The following POLA1 variants were observed in gnomAD, a reference collection of about 807,000 sequenced individuals.
The protein encoded by POLA1 is DNA polymerase alpha catalytic subunit.
In POLA1, 15 loss-of-function variants were observed where a neutral mutation model predicts 124.0. That is an observed-to-expected ratio of 0.12 (90% CI 0.08 to 0.19). The LOEUF is 0.19. Among genes scored for constraint, POLA1 ranks in the 10% least tolerant of loss-of-function variants. The probability of loss-of-function intolerance (pLI) is 1.00; values close to 1 mark genes in which losing one functional copy is unlikely to be tolerated. For synonymous variants in POLA1, 408 were observed against 389.4 expected, an observed-to-expected ratio of 1.05 and a Z score of -0.56; for missense variants, 886 against 1,103.4, an observed-to-expected ratio of 0.80 and a Z score of 2.79.
At chrX:24,785,322 A>G (rs1480405849) in intron 26 of POLA1, among the ~76,000 whole-genome samples, 1 of 111,782 alleles carries the variant, frequency 8.9e-6, no homozygotes, top group Non-Finnish European at 1.9e-5. Context: ...AACCCCTTTG[A>G]TCCTTGCCTG....
chrX:24,749,075 A>G, intron 26 of POLA1, 83 bp downstream of exon 26: 1 of 755,141 alleles, frequency 1.3e-6, no homozygotes, highest in Non-Finnish European at 2.0e-6. Flanking sequence ...AGTCAAGTTT[A>G]TTACCTAGTT....
intron 36 of POLA1, among the ~76,000 whole-genome samples, chrX:24,994,031 A>G (rs2048568819): frequency 8.9e-6 from 1 of 111,802 alleles, no homozygotes. Flanking sequence ...CCTGCTCCGT[A>G]TTACCGCAGC....
chrX:24,791,905 A>G (rs2045505620), intron 26 of POLA1, among the ~76,000 whole-genome samples: 1 of 112,018 alleles, frequency 8.9e-6, no homozygotes, highest in Non-Finnish European at 1.9e-5. Context: ...GGTATTCTCT[A>G]TAGTGGGAGT....
At chrX:24,966,069 G>C (rs563787006) in intron 36 of POLA1, among the ~76,000 whole-genome samples, 1 of 111,970 alleles carries the variant, frequency 8.9e-6, no homozygotes, top group East Asian at 2.8e-4. Flanking sequence ...TAATGATTTA[G>C]AAAATATCCT....
intron 26 of POLA1, among the ~76,000 whole-genome samples, chrX:24,772,972 C>T (rs916816784): frequency 6.3e-5 from 7 of 111,514 alleles, no homozygotes; most frequent in Non-Finnish European, 1.1e-4. Context: ...AATGGGGGTA[C>T]GTACATGATA....
chrX:24,881,357 A>G (rs886788166), intron 34 of POLA1, among the ~76,000 whole-genome samples: 3 of 111,662 alleles, frequency 2.7e-5, no homozygotes, highest in African/African-American at 9.8e-5. Context: ...TAATAACAAT[A>G]TTTTACATTT....
chrX:24,707,900 T>C (rs1426730089), intron 4 of POLA1, among the ~76,000 whole-genome samples: 1 of 111,359 alleles, frequency 9.0e-6, no homozygotes, highest in Non-Finnish European at 1.9e-5. Flanking sequence ...AGGCTGAGAA[T>C]CTCTTGATCT....
chrX:24,812,066 G>T (rs186699975), intron 28 of POLA1, among the ~76,000 whole-genome samples: 12 of 112,312 alleles, frequency 1.1e-4, no homozygotes, highest in Admixed American at 2.8e-4. Context: ...AGCAAGCCTG[G>T]CACATTGTGC....
At chrX:24,749,529 TAAG>T (rs896414565) in intron 26 of POLA1, among the ~76,000 whole-genome samples, 1 of 111,282 alleles carries the variant, frequency 9.0e-6, no homozygotes, top group Non-Finnish European at 1.9e-5. Flanking sequence ...GAGAATGACT[TAAG>T]AGAGTTTTTT....
chrX:24,733,434 G>A (rs1163334854), intron 16 of POLA1, among the ~76,000 whole-genome samples: 1 of 112,349 alleles, frequency 8.9e-6, no homozygotes, highest in Non-Finnish European at 1.9e-5. Context: ...GAGTTTCTCC[G>A]CTGTATGTTG....
At chrX:24,980,181 G>C (rs369921543) in intron 36 of POLA1, among the ~76,000 whole-genome samples, 2 of 111,620 alleles carry the variant, frequency 1.8e-5, no homozygotes, top group South Asian at 3.8e-4. Context: ...TGTAGAACTC[G>C]TCAGGAAAAT....
At chrX:24,765,413 A>C (rs1402760663) in intron 26 of POLA1, among the ~76,000 whole-genome samples, 1 of 107,338 alleles carries the variant, frequency 9.3e-6, no homozygotes, top group Non-Finnish European at 1.9e-5. Flanking sequence ...CTTGTGCCTC[A>C]GCCTCCTGAG....
intron 26 of POLA1, among the ~76,000 whole-genome samples, chrX:24,770,130 C>A (rs1016138599): frequency 7.2e-5 from 8 of 111,562 alleles, no homozygotes; most frequent in Non-Finnish European, 1.1e-4. Flanking sequence ...TAACAGAGAG[C>A]TCTTTCTTAA....
intron 36 of POLA1, among the ~76,000 whole-genome samples, chrX:24,973,947 A>G (rs1409312233): frequency 9.1e-6 from 1 of 110,375 alleles, no homozygotes; most frequent in Non-Finnish European, 1.9e-5. Context: ...CCCTAGGCCC[A>G]GATTCTCTTG....
At chrX:24,948,035 C>T (rs1601898205) in intron 36 of POLA1, among the ~76,000 whole-genome samples, 1 of 111,615 alleles carries the variant, frequency 9.0e-6, no homozygotes, top group Non-Finnish European at 1.9e-5. Flanking sequence ...TTTATTTGTT[C>T]GAAAAAGGGA....
intron 36 of POLA1, among the ~76,000 whole-genome samples, chrX:24,932,587 G>A (rs2147217536): frequency 8.9e-6 from 1 of 111,899 alleles, no homozygotes; most frequent in African/African-American, 3.2e-5. Flanking sequence ...TTTATTGTTT[G>A]TATCTAATAA....
chrX:24,706,688 C>CT (rs1232642213), intron 4 of POLA1, among the ~76,000 whole-genome samples: 1 of 111,899 alleles, frequency 8.9e-6, no homozygotes, highest in African/African-American at 3.2e-5. Context: ...AACAACCTTT[C>CT]TAAGTAAAAT....
At chrX:24,731,983 C>T (rs1402869877) in intron 15 of POLA1, among the ~76,000 whole-genome samples, 1 of 111,792 alleles carries the variant, frequency 8.9e-6, no homozygotes, top group Non-Finnish European at 1.9e-5. Context: ...GAGACAGAGT[C>T]TCACTCTGTC....
intron 26 of POLA1, among the ~76,000 whole-genome samples, chrX:24,786,681 A>ATGT (rs1455838826): frequency 1.6e-5 from 1 of 63,149 alleles, no homozygotes; most frequent in African/African-American, 6.9e-5. Flanking sequence ...GGCTTGGCTA[A>ATGT]TTTTTTTTTT....
Sources: gnomAD v4.1 joint callset for allele counts (sites outside exome capture counted in the v4.1 genomes callset) on GRCh38, gnomAD v4.1.1 for gene constraint, MANE v1.5 for transcripts, NCBI Gene and HGNC (gene_info 2026-07-23, HGNC 2026-07-21) for gene names.